Variants in CCM2L observed in about 807,000 individuals in gnomAD.
CCM2L encodes the protein cerebral cavernous malformations 2 protein-like.
CCM2L carries 36 observed loss-of-function variants against 54.1 expected under a neutral mutation model. That is an observed-to-expected ratio of 0.67 (90% CI 0.51 to 0.88). The LOEUF is 0.88. CCM2L is among the 40% of genes least tolerant of loss of function. CCM2L has a pLI of 0.00. For missense variants in CCM2L, 700 were observed against 812.1 expected (o/e 0.86, Z 1.68); for synonymous variants, 351 against 359.3 (o/e 0.98, Z 0.26).
At chr20:32,021,762 T>C (rs1205281567) in intron 5 of CCM2L, among the ~76,000 whole-genome samples, 2 of 152,178 alleles carry the variant, frequency 1.3e-5, no homozygotes. Context: ...CTGGTACTAA[T>C]GCCATGAACC....
Position 32,031,309 on chromosome 20 carries a change from C to G in CCM2L, c.1711C>G (p.Leu571Val), listed in dbSNP as rs1390394229. 2 of 1,271,478 alleles carry G rather than the reference C, an allele frequency of 1.6e-6. No individual in the cohort carries two copies. The highest frequency in any genetic ancestry group is 2.0e-6 in the Non-Finnish European group (2 of 979,718). The allele number at this position is 1,271,478 out of a possible 1,614,324, so 78.8% of individuals were successfully genotyped here. A position where few individuals can be genotyped will look rare whatever the true frequency, so the allele number is the denominator to read the frequency against. The change falls in exon 10 of 10, where the codon CTG becomes GTG. Residue 571 changes from leucine to valine, a missense_variant. Transcript: ENST00000452892. ...GGSDAAEDNY[L>V] is the part of the protein sequence containing the mutation. ...GAGCGACGCCGCAGAAGACAACTAC[C>G]TGTAGCCACCGCCCCTGCGGACGGC...
intron 1 of CCM2L, among the ~76,000 whole-genome samples, chr20:32,010,859 GC>G (rs1221687418): frequency 6.6e-6 from 1 of 152,112 alleles, no homozygotes; most frequent in Non-Finnish European, 1.5e-5. Flanking sequence ...GCTCGTCACT[GC>G]CCCAAACAGA....
chr20:32,010,765 C>A (rs1444079371), intron 1 of CCM2L, among the ~76,000 whole-genome samples: 2 of 152,152 alleles, frequency 1.3e-5, no homozygotes, highest in Non-Finnish European at 2.9e-5. Context: ...TTCTCCACAC[C>A]TGCTTCCCTG....
At chr20:32,017,012 G>A (rs1012704250) in intron 2 of CCM2L, among the ~76,000 whole-genome samples, 1 of 152,138 alleles carries the variant, frequency 6.6e-6, no homozygotes, top group Non-Finnish European at 1.5e-5. Context: ...GCTGGACGTG[G>A]TGGCACGTGC....
chr20:32,010,998 C>A (rs572399658), intron 1 of CCM2L, among the ~76,000 whole-genome samples: 1 of 152,342 alleles, frequency 6.6e-6, no homozygotes, highest in African/African-American at 2.4e-5. Context: ...ATTCCCCTCA[C>A]CCCTTCTGAC....
rs762088611 is a variant in CCM2L at position 32,029,687 on chromosome 20, G to A, written c.1264-13G>A. 4 of 1,595,958 alleles carry A rather than the reference G, an allele frequency of 2.5e-6. No homozygotes were observed. In the South Asian group the frequency reaches 4.5e-5, roughly 18 times the overall value. On this transcript the variant is annotated splice_polypyrimidine_tract_variant and intron_variant, in intron 8 of 9. Coordinates refer to ENST00000452892, the MANE Select transcript of CCM2L (RefSeq NM_001365692.1). Reference sequence around the variant, plus strand: ...CTTCCTGGGATTGATCTCGAATGGTGTCCCCCACATAGTTGCGGAGTAAGC... The same window carrying A: ...CTTCCTGGGATTGATCTCGAATGGTATCCCCCACATAGTTGCGGAGTAAGC...
intron 7 of CCM2L, 198 bp from the exon 8 acceptor site, chr20:32,028,797 G>T: frequency 1.6e-6 from 1 of 616,190 alleles, no homozygotes; most frequent in Admixed American, 3.0e-5. Flanking sequence ...GGAGAAGGGG[G>T]GTGGGGGGCG....
In CCM2L at chr20:32,031,687, G is replaced by A. The variant is rs2064931660; in HGVS notation, c.*373G>A. 1 of 167,386 alleles carries A rather than the reference G, an allele frequency of 6.0e-6. No homozygotes were observed. The highest frequency in any genetic ancestry group is 6.3e-5 in the Admixed American group (1 of 15,766). 10.4% of individuals were successfully genotyped at this position (167,386 alleles called of 1,614,324 possible). ...AAGGCATGAAGAGTGGGCTCCACCT[G>A]CTGGCCGACTGAGAAAAGAATTTCC... On this transcript the variant is annotated 3_prime_UTR_variant, in exon 10 of 10. Transcript: ENST00000452892.
intron 4 of CCM2L, among the ~76,000 whole-genome samples, chr20:32,018,715 G>A (rs1288792301): frequency 1.4e-5 from 2 of 142,696 alleles, no homozygotes; most frequent in African/African-American, 5.3e-5. Flanking sequence ...GAGCGTGGAA[G>A]CCACCTGGCC....
intron 1 of CCM2L, among the ~76,000 whole-genome samples, 178 bp from the exon 2 acceptor site, chr20:32,014,726 A>T (rs1053636030): frequency 6.6e-6 from 1 of 152,202 alleles, no homozygotes; most frequent in Non-Finnish European, 1.5e-5. Context: ...TGGTGACTTT[A>T]TCAGTTAGTT....
intron 7 of CCM2L, chr20:32,027,873 G>GT (rs1049605568): frequency 6.6e-6 from 1 of 152,280 alleles, no homozygotes; most frequent in African/African-American, 2.4e-5. Flanking sequence ...CTGGCACATA[G>GT]TAGGTGTTCA....
intron 5 of CCM2L, among the ~76,000 whole-genome samples, chr20:32,021,034 C>T (rs2064802050): frequency 6.6e-6 from 1 of 152,258 alleles, no homozygotes; most frequent in East Asian, 1.9e-4. Flanking sequence ...CACCCAGGTC[C>T]ATGCCCCATT....
Position 32,019,235 on chromosome 20 carries a change from C to A in CCM2L, c.759C>A (p.Gly253=). Residue 253 remains glycine (G), a synonymous_variant, in exon 5 of 10, where the codon GGC becomes GGA. Transcript: ENST00000452892. ...GCAGCTGGGAGCGGCGGCACGGAGG[C>A]GGCGGCGGCGGCGGCGGCGCGGGAA... ...FSGSWERRHG[G]GGGGGGAGKP... is the part of the protein sequence containing the mutation. 2 of 1,046,384 alleles carry A rather than the reference C, an allele frequency of 1.9e-6. No homozygotes were observed. Among genetic ancestry groups the A allele is most frequent in the Non-Finnish European group, 1.2e-6 (1 of 830,394 alleles). 64.8% of individuals were successfully genotyped at this position (1,046,384 alleles called of 1,614,324 possible). A position where few individuals can be genotyped will look rare whatever the true frequency, so the allele number is the denominator to read the frequency against.
At chr20:32,028,638 A>G in intron 7 of CCM2L, 1 of 227,744 alleles carries the variant, frequency 4.4e-6, no homozygotes, top group Non-Finnish European at 8.9e-6. Context: ...AACCTAGGGG[A>G]ATTAGGGAAC....
At chr20:32,023,693 T>C (rs1036206986) in intron 6 of CCM2L, among the ~76,000 whole-genome samples, 2 of 152,250 alleles carry the variant, frequency 1.3e-5, no homozygotes, top group Non-Finnish European at 2.9e-5. Flanking sequence ...TCTGAGGCCT[T>C]AGGATTCCCA....
chr20:32,018,705 G>C (rs780213093), intron 4 of CCM2L, among the ~76,000 whole-genome samples: 1 of 151,968 alleles, frequency 6.6e-6, no homozygotes, highest in Admixed American at 6.5e-5. Flanking sequence ...GCGTCGTGGG[G>C]AGCGTGGAAG....
chr20:32,019,275 T>C lies in CCM2L; in HGVS notation c.799T>C (p.Trp267Arg), dbSNP rs945881052. ...CGGCGCGGGAAAGCCGGGCGGTAGC[T>C]GGGAGCGGAGGCAGGCGGGCAGCGG... ...GGGAGKPGGS[W>R]ERRQAGSGGG... Residue 267 changes from tryptophan (W) to arginine (R), a missense_variant, in exon 5 of 10, where the codon TGG becomes CGG. By Grantham distance (101) the Trp-to-Arg change is moderately radical. Transcript: ENST00000452892. 3.7e-5 allele frequency: 46 copies of C among 1,239,378 alleles called. No homozygotes were observed. The Admixed American group carries it at 7.5e-4, about 20-fold the overall frequency. 76.8% of individuals were successfully genotyped at this position (1,239,378 alleles called of 1,614,324 possible). A position where few individuals can be genotyped will look rare whatever the true frequency, so the allele number is the denominator to read the frequency against.
At chr20:32,026,921 G>T (rs938953608) in intron 7 of CCM2L, among the ~76,000 whole-genome samples, 1 of 151,318 alleles carries the variant, frequency 6.6e-6, no homozygotes, top group African/African-American at 2.4e-5. Context: ...GGTGGCTCAC[G>T]CCTGTAATCC....
intron 6 of CCM2L, among the ~76,000 whole-genome samples, chr20:32,023,599 T>C (rs1262681586): frequency 6.6e-6 from 1 of 152,262 alleles, no homozygotes; most frequent in Non-Finnish European, 1.5e-5. Flanking sequence ...CCTGTCCTCT[T>C]TGTCACTGTA....
Sources: gnomAD v4.1 joint callset for allele counts (sites outside exome capture counted in the v4.1 genomes callset) on GRCh38, gnomAD v4.1.1 for gene constraint, MANE v1.5 for transcripts, NCBI Gene and HGNC (gene_info 2026-07-23, HGNC 2026-07-21) for gene names.